NCAPD3: variants seen among roughly 807,000 people sequenced by gnomAD.
NCAPD3 encodes the protein non-SMC condensin II complex subunit D3.
NCAPD3 carries 105 observed loss-of-function variants against 182.9 expected under a neutral mutation model. The observed-to-expected ratio is 0.57, with a 90% confidence interval of 0.49 to 0.68. The LOEUF is 0.68. NCAPD3 is among the 30% of genes least tolerant of loss of function. NCAPD3 has a pLI of 0.00. For synonymous variants in NCAPD3, 815 were observed against 679.9 expected, an observed-to-expected ratio of 1.20 and a Z score of -3.09; for missense variants, 1,944 against 1,837.0, an observed-to-expected ratio of 1.06 and a Z score of -1.07.
chr11:134,184,828 C>T (rs1405416909), intron 18 of NCAPD3, 75 bp downstream of exon 18: 39 of 1,319,284 alleles, frequency 3.0e-5, no homozygotes, highest in Admixed American at 1.2e-4. Flanking sequence ...CACACACACA[C>T]ACACACACAC....
intron 24 of NCAPD3, among the ~76,000 whole-genome samples, chr11:134,174,199 T>C (rs1266383530): frequency 2.0e-5 from 3 of 151,332 alleles, no homozygotes; most frequent in Admixed American, 1.3e-4. Flanking sequence ...GAGACCAGCC[T>C]GGCAAAAACG....
intron 16 of NCAPD3, among the ~76,000 whole-genome samples, chr11:134,187,654 C>A (rs1349787383): frequency 7.7e-6 from 1 of 129,600 alleles, no homozygotes; most frequent in Non-Finnish European, 1.8e-5. Context: ...TGGGAAGCCA[C>A]CCTAAGCCAG....
At chr11:134,192,287 C>A (rs1055198772) in intron 16 of NCAPD3, among the ~76,000 whole-genome samples, 15 of 152,196 alleles carry the variant, frequency 9.9e-5, no homozygotes, top group Admixed American at 7.9e-4. Flanking sequence ...GGGGAAAAAG[C>A]CTGCAGTGTT....
rs1433528180 is a variant in NCAPD3, at chr11:134,185,018, G to A, written c.2238-18C>T. ...TCTGCTGACTAGAGAAAGGGCAGGA[G>A]GAATATGAAGGGAGAAGCAAGTTAA... On this transcript the variant is annotated intron_variant, in intron 17 of 34. Transcript: ENST00000534548. 1 of 1,557,288 alleles carries A rather than the reference G, an allele frequency of 6.4e-7. No homozygotes were observed.
At chr11:134,158,574 G>A in intron 29 of NCAPD3, 79 bp from the exon 30 acceptor site, 3 of 1,446,858 alleles carry the variant, frequency 2.1e-6, no homozygotes, top group Middle Eastern at 1.9e-4. Flanking sequence ...GTTGTACATG[G>A]TTGGGGGTCC....
At chr11:134,180,208 C>T (rs7949982) in intron 20 of NCAPD3, among the ~76,000 whole-genome samples, 2,393 of 152,240 alleles carry the variant, frequency 0.016, 56 homozygotes, top group African/African-American at 0.053. Flanking sequence ...TTCCTGATCA[C>T]GTGCACAGTA....
upstream of NCAPD3, chr11:134,225,263 C>T (rs758505197): frequency 2.5e-6 from 4 of 1,614,138 alleles, no homozygotes; most frequent in Non-Finnish European, 3.4e-6. Flanking sequence ...AGACGGTCTC[C>T]GGGAAGGTGA....
chr11:134,166,099 G>A (rs1417063531), intron 27 of NCAPD3, among the ~76,000 whole-genome samples: 6 of 19,562 alleles, frequency 3.1e-4, no homozygotes, highest in Non-Finnish European at 4.2e-4. Flanking sequence ...CTTGGGGGAG[G>A]GGCACACTCA....
At chr11:134,181,295 G>T (rs768939771) in intron 19 of NCAPD3, 111 bp from the exon 20 acceptor site, 145 of 684,476 alleles carry the variant, frequency 2.1e-4, no homozygotes, top group Non-Finnish European at 3.2e-4. Context: ...AGGCTGTAGG[G>T]GTGCTTCCTA....
At chr11:134,208,108 T>C (rs1242171781) in intron 7 of NCAPD3, among the ~76,000 whole-genome samples, 1 of 152,124 alleles carries the variant, frequency 6.6e-6, no homozygotes, top group African/African-American at 2.4e-5. Context: ...AGTGGTGAAG[T>C]CAGAAAGCAA....
chr11:134,206,823 G>C (rs2136015653), intron 7 of NCAPD3, 91 bp from the exon 8 acceptor site: 1 of 1,367,176 alleles, frequency 7.3e-7, no homozygotes, highest in East Asian at 2.5e-5. Context: ...ACCATTTCAA[G>C]CCATCTGAAG....
At position 134,192,399 on chromosome 11, in the gene NCAPD3, A is replaced by G. The variant is rs188372250; in HGVS notation, c.2045+290T>C. 3.4e-3 allele frequency among the ~76,000 whole-genome samples: 518 copies of G among 152,334 alleles called. 1 individual carries two copies. The highest frequency in any genetic ancestry group is 4.5e-3 in the Non-Finnish European group (309 of 68,034). ...CCAGTATTGGGGAAAGGTGATATTA[A>G]TATGTATCTCCATCAGTGTTGTCTA... On this transcript the variant is annotated intron_variant, in intron 16 of 34. Transcript: ENST00000534548.
chr11:134,151,821 T>G lies in NCAPD3; in HGVS notation c.*1123A>C, dbSNP rs1943246623. ...TCTCTTCTTCCTAGCATTTCAGTGGTTAGGCATGCACACTAAAAATGCTAT... is the reference window on the plus strand; with the variant it reads ...TCTCTTCTTCCTAGCATTTCAGTGGGTAGGCATGCACACTAAAAATGCTAT... On this transcript the variant is annotated 3_prime_UTR_variant, in exon 35 of 35. Transcript: ENST00000534548. 1 of 150,792 alleles carries G rather than the reference T, an allele frequency of 6.6e-6. No homozygotes were observed. Among genetic ancestry groups the G allele is most frequent in the African/African-American group, 2.4e-5 (1 of 41,364 alleles). 9.3% of individuals were successfully genotyped at this position (150,792 alleles called of 1,614,324 possible). A position where few individuals can be genotyped will look rare whatever the true frequency, so the allele number is the denominator to read the frequency against.
In NCAPD3 at chr11:134,212,375, TTGTGTGTGTGTGTGTG is replaced by T. The variant is rs56807520; in HGVS notation, c.383-1937_383-1922del. Among the ~76,000 whole-genome samples, 337 of 143,272 alleles carry T rather than the reference TTGTGTGTGTGTGTGTG, an allele frequency of 2.4e-3. 2 individuals are homozygous for T. The highest frequency in any genetic ancestry group is 4.0e-3 in the Non-Finnish European group (266 of 66,054). The allele number at this position is 143,272 out of a possible 152,430, so 94.0% of individuals were successfully genotyped here. A position where few individuals can be genotyped will look rare whatever the true frequency, so the allele number is the denominator to read the frequency against. On this transcript the variant is annotated intron_variant, in intron 3 of 34. Transcript: ENST00000534548. ...AAAGGAAAATATACTTTTTGTTGTTTTGTGTGTGTGTGTGTGTGTGTGTGTGTGTGTGTGTTCCACT... is the reference window on the plus strand; with the variant it reads ...AAAGGAAAATATACTTTTTGTTGTTTTGTGTGTGTGTGTGTGTGTTCCACT...
rs539076636 is a variant in NCAPD3, at chr11:134,202,499, T to C, written c.1615+317A>G. Among the ~76,000 whole-genome samples, 243 of 152,158 alleles carry C rather than the reference T, an allele frequency of 1.6e-3. 1 individual carries two copies. The highest frequency in any genetic ancestry group is 1.2e-3 in the Admixed American group (18 of 15,282). ...CTCAAGCCATCCTCCCACCTCAGCC[T>C]CCTGAGTAGCTGGGACCACAGGGGC... On this transcript the variant is annotated intron_variant, in intron 13 of 34. Coordinates refer to ENST00000534548, the MANE Select transcript of NCAPD3 (RefSeq NM_015261.3).
At chr11:134,162,289 G>A (rs12222177) in intron 27 of NCAPD3, among the ~76,000 whole-genome samples, 1 of 152,204 alleles carries the variant, frequency 6.6e-6, no homozygotes, top group Non-Finnish European at 1.5e-5. Flanking sequence ...TGGCTACCCA[G>A]AGGGACACTT....
At chr11:134,199,027 C>T (rs1165679798) in intron 13 of NCAPD3, among the ~76,000 whole-genome samples, 1 of 152,002 alleles carries the variant, frequency 6.6e-6, no homozygotes, top group Non-Finnish European at 1.5e-5. Context: ...AACTGATGTA[C>T]AGATCAATCC....
chr11:134,187,075 G>A (rs933039589), intron 16 of NCAPD3, among the ~76,000 whole-genome samples: 2 of 152,078 alleles, frequency 1.3e-5, no homozygotes, highest in African/African-American at 4.8e-5. Context: ...ACAACTCCCA[G>A]CCCTCCACTC....
chr11:134,188,394 A>C (rs921098153), intron 16 of NCAPD3, among the ~76,000 whole-genome samples: 52 of 152,224 alleles, frequency 3.4e-4, no homozygotes, highest in African/African-American at 1.2e-3. Context: ...AGGGAATAAA[A>C]GCTGGCCACC....
Sources: allele counts gnomAD v4.1 joint callset (sites outside exome capture counted in the v4.1 genomes callset), GRCh38; gene constraint gnomAD v4.1.1; transcripts MANE v1.5; gene names NCBI Gene and HGNC (gene_info 2026-07-23, HGNC 2026-07-21).